Variants in SYNPO2 observed in about 807,000 individuals in gnomAD.
SYNPO2 encodes the protein synaptopodin-2.
SYNPO2 carries 56 observed loss-of-function variants against 85.0 expected under a neutral mutation model. The ratio of observed to expected loss-of-function variants is 0.66; its 90% CI spans 0.53 to 0.82. SYNPO2 has a LOEUF of 0.82. Among genes scored for constraint, SYNPO2 ranks in the 40% least tolerant of loss-of-function variants. The pLI is 0.00. For missense variants in SYNPO2, 1,575 were observed against 1,534.2 expected (o/e 1.03, Z -0.44); for synonymous variants, 602 against 591.1 (o/e 1.02, Z -0.27).
In SYNPO2 at chr4:119,009,760, G is replaced by A. The variant is rs533956244; in HGVS notation, c.106-13670G>A. ...TCCTCCCTAAGAAAGCCTGATATTC[G>A]CCAGAAGTTATTAACCACCATCTTA... On this transcript the variant is annotated intron_variant, in intron 1 of 4. Coordinates refer to ENST00000307142, the MANE Select transcript of SYNPO2 (RefSeq NM_133477.3). 6.6e-5 allele frequency among the ~76,000 whole-genome samples: 10 copies of A among 152,284 alleles called. No individual in the cohort carries two copies. In the South Asian group the frequency reaches 1.0e-3, roughly 16 times the overall value.
chr4:118,915,724 G>C (rs1362888039), intron 1 of SYNPO2, among the ~76,000 whole-genome samples: 1 of 152,148 alleles, frequency 6.6e-6, no homozygotes, highest in Non-Finnish European at 1.5e-5. Flanking sequence ...TCATAGGTTT[G>C]TAAATGATCA....
chr4:119,046,577 C>A (rs1047204432), intron 4 of SYNPO2, among the ~76,000 whole-genome samples: 10 of 152,220 alleles, frequency 6.6e-5, no homozygotes, highest in Non-Finnish European at 4.4e-5. Flanking sequence ...TCTCTGACAC[C>A]TTTAGGGCCA....
chr4:118,926,943 A>C (rs1007413594), intron 1 of SYNPO2, among the ~76,000 whole-genome samples: 1 of 152,152 alleles, frequency 6.6e-6, no homozygotes, highest in African/African-American at 2.4e-5. Context: ...CACTTGGTTA[A>C]CGGGATACTG....
chr4:118,963,632 TA>T (rs951222509), intron 1 of SYNPO2, among the ~76,000 whole-genome samples: 1 of 152,190 alleles, frequency 6.6e-6, no homozygotes, highest in African/African-American at 2.4e-5. Flanking sequence ...TACATTTTTT[TA>T]AAAAAATCAG....
chr4:119,026,590 C>T, intron 2 of SYNPO2, 37 bp from the exon 3 acceptor site: 1 of 1,536,572 alleles, frequency 6.5e-7, no homozygotes, highest in Non-Finnish European at 8.8e-7. Context: ...GTAACATAGT[C>T]TGATTTAAGT....
intron 1 of SYNPO2, among the ~76,000 whole-genome samples, chr4:118,960,071 C>G (rs556006006): frequency 1.3e-5 from 2 of 152,086 alleles, no homozygotes. Context: ...GATGTGGCCA[C>G]AAGGGCACAA....
At chr4:119,044,440 G>A (rs773747869) in intron 4 of SYNPO2, among the ~76,000 whole-genome samples, 2 of 152,174 alleles carry the variant, frequency 1.3e-5, no homozygotes, top group South Asian at 2.1e-4. Flanking sequence ...TAAAGGAATT[G>A]AGCATAATTT....
In SYNPO2 at chr4:119,031,347, G is replaced by A. The variant is rs1429181190; in HGVS notation, c.2572G>A (p.Ala858Thr). The change falls in exon 4 of 5, where the codon GCA (alanine) becomes ACA (threonine). Residue 858 changes from alanine (A) to threonine (T), a missense_variant. Around this residue, in one of 3 missense-constraint regions of SYNPO2, gnomAD observed 1,508 missense variants for 1,446.8 expected, o/e 1.04. Transcript: ENST00000307142. ...TPTVNAVQPGAVGPSNELPGM... is the reference protein window; with the variant it reads ...TPTVNAVQPGTVGPSNELPGM... ...AACAGTCAATGCTGTTCAGCCTGGT[G>A]CAGTGGGACCATCCAATGAGCTTCC... 21 of 1,614,034 alleles carry A rather than the reference G, an allele frequency of 1.3e-5. No individual in the cohort carries two copies. The Admixed American group carries it at 3.3e-4, about 26-fold the overall frequency.
chr4:119,058,158 T>C lies in SYNPO2; in HGVS notation c.*224T>C. On this transcript the variant is annotated 3_prime_UTR_variant, in exon 5 of 5. Coordinates refer to ENST00000307142, the MANE Select transcript of SYNPO2 (RefSeq NM_133477.3). Reference sequence around the variant, plus strand: ...TGAGTGTGAATACTTCCTTGTTGGCTGATCCATAGAGCATTACTTGGAAGA... The same window carrying C: ...TGAGTGTGAATACTTCCTTGTTGGCCGATCCATAGAGCATTACTTGGAAGA... 1 of 340,396 alleles carries C rather than the reference T, an allele frequency of 2.9e-6. No homozygotes were observed. The highest frequency in any genetic ancestry group is 5.4e-6 in the Non-Finnish European group (1 of 185,410). 21.1% of individuals were successfully genotyped at this position (340,396 alleles called of 1,614,324 possible).
intron 1 of SYNPO2, among the ~76,000 whole-genome samples, chr4:119,012,375 CTT>C (rs10651853): frequency 0.15 from 16,247 of 109,764 alleles, 782 homozygotes; most frequent in Middle Eastern, 0.23. Flanking sequence ...TCCCCCTTTT[CTT>C]TTTTTTTTTT....
intron 1 of SYNPO2, among the ~76,000 whole-genome samples, chr4:118,872,420 A>G (rs1294597613): frequency 6.6e-6 from 1 of 152,242 alleles, no homozygotes; most frequent in African/African-American, 2.4e-5. Flanking sequence ...AAAAGTATCC[A>G]GATGCCGTGA....
chr4:118,966,458 A>G (rs561509626), intron 1 of SYNPO2, among the ~76,000 whole-genome samples: 19 of 152,074 alleles, frequency 1.2e-4, no homozygotes, highest in Non-Finnish European at 2.6e-4. Context: ...TCCCCCACTT[A>G]CCCTTGTAAA....
chr4:119,060,122 G>A lies in SYNPO2; in HGVS notation c.*2188G>A, dbSNP rs1739364186. ...TTGCTTTCTTTTATAAGTGCAAGGA[G>A]TTATTTCCATCAGTTGACATAGATA... is the stretch of plus-strand genomic sequence containing the variant. On this transcript the variant is annotated 3_prime_UTR_variant, in exon 5 of 5. Coordinates refer to ENST00000307142, the MANE Select transcript of SYNPO2 (RefSeq NM_133477.3). 1 of 152,146 alleles carries A rather than the reference G, an allele frequency of 6.6e-6. No homozygotes were observed. Among genetic ancestry groups the A allele is most frequent in the Non-Finnish European group, 1.5e-5 (1 of 67,996 alleles). 9.4% of individuals were successfully genotyped at this position (152,146 alleles called of 1,614,324 possible). A position where few individuals can be genotyped will look rare whatever the true frequency, so the allele number is the denominator to read the frequency against.
At chr4:118,860,854 C>A (rs1731596679) in intron 1 of SYNPO2, among the ~76,000 whole-genome samples, 1 of 152,046 alleles carries the variant, frequency 6.6e-6, no homozygotes, top group African/African-American at 2.4e-5. Context: ...TGTGCCCAGC[C>A]TGACTATTTT....
chr4:118,915,857 AT>A (rs1227798641), intron 1 of SYNPO2, among the ~76,000 whole-genome samples: 2 of 151,894 alleles, frequency 1.3e-5, no homozygotes, highest in African/African-American at 2.4e-5. Flanking sequence ...TAGACTTTTT[AT>A]TTTTTTATTT....
At chr4:118,987,681 T>C (rs1188018825) in intron 1 of SYNPO2, among the ~76,000 whole-genome samples, 11 of 151,846 alleles carry the variant, frequency 7.2e-5, no homozygotes, top group African/African-American at 2.7e-4. Context: ...CTCGAATTAC[T>C]GCTTCTAGAT....
chr4:118,871,807 A>G (rs186343041), intron 1 of SYNPO2, among the ~76,000 whole-genome samples: 432 of 152,100 alleles, frequency 2.8e-3, no homozygotes, highest in Middle Eastern at 6.8e-3. Context: ...CTGACCTCGT[A>G]ATCCGCCCGC....
chr4:119,057,320 A>G (rs1342289967), intron 4 of SYNPO2, 81 bp from the exon 5 acceptor site: 3 of 1,341,984 alleles, frequency 2.2e-6, no homozygotes, highest in Admixed American at 5.1e-5. Context: ...AGTGCTTGGT[A>G]ATGGTGCTAG....
intron 1 of SYNPO2, among the ~76,000 whole-genome samples, chr4:118,934,956 C>T (rs1734052474): frequency 6.6e-6 from 1 of 152,146 alleles, no homozygotes; most frequent in Non-Finnish European, 1.5e-5. Context: ...TTCAATCCTT[C>T]CACATTACAG....
Sources: gnomAD v4.1 joint callset for allele counts (sites outside exome capture counted in the v4.1 genomes callset) on GRCh38, gnomAD v4.1.1 for gene constraint, gnomAD v4.1.1 regional missense constraint, MANE v1.5 for transcripts, NCBI Gene and HGNC (gene_info 2026-07-23, HGNC 2026-07-21) for gene names.